The following PTPRN2 variants were observed in gnomAD, a reference collection of about 807,000 sequenced individuals.
The protein encoded by PTPRN2 is receptor-type tyrosine-protein phosphatase N2.
Under a neutral mutation model 118.8 loss-of-function variants are expected in PTPRN2, and 74 were observed. The observed-to-expected ratio is 0.62, with a 90% CI of 0.52 to 0.76. The LOEUF is 0.76. PTPRN2 is among the 30% of genes least tolerant of loss of function. The pLI, the probability that PTPRN2 is intolerant of heterozygous loss-of-function variation, is 0.00. For synonymous variants in PTPRN2, 641 were observed against 608.0 expected (o/e 1.05, Z -0.80); for missense variants, 1,481 against 1,394.4 (o/e 1.06, Z -0.99).
At chr7:158,228,296 A>G (rs1354087551) in intron 3 of PTPRN2, among the ~76,000 whole-genome samples, 1 of 152,180 alleles carries the variant, frequency 6.6e-6, no homozygotes, top group Non-Finnish European at 1.5e-5. Context: ...TGCCTTCAAA[A>G]AGAAGAGTCA....
At position 158,565,082 on chromosome 7, in the gene PTPRN2, T is replaced by C. The variant is rs1231755398; in HGVS notation, c.112+22476A>G. On this transcript the variant is annotated intron_variant, in intron 1 of 22. Transcript: ENST00000389418. The surrounding 1 kb of genome is among the most constrained non-coding windows in gnomAD (Gnocchi z 4.6). ...TGCTGACACCATTCAGAAAATTGTATTGTGGAGGAAGGCAAGGATGAAACA... is the reference window on the plus strand; with the variant it reads ...TGCTGACACCATTCAGAAAATTGTACTGTGGAGGAAGGCAAGGATGAAACA... Among the ~76,000 whole-genome samples the C allele has an allele frequency of 1.3e-5, 2 of 152,104 alleles. No individual in the cohort carries two copies. Among genetic ancestry groups the C allele is most frequent in the South Asian group, 2.1e-4 (1 of 4,818 alleles).
chr7:157,911,663 A>G (rs1324876227), intron 11 of PTPRN2, among the ~76,000 whole-genome samples: 1 of 152,212 alleles, frequency 6.6e-6, no homozygotes, highest in Non-Finnish European at 1.5e-5. Flanking sequence ...ACACTCTGAA[A>G]AGAGATAAAA....
At chr7:157,878,124 T>C (rs1795889921) in intron 12 of PTPRN2, among the ~76,000 whole-genome samples, 1 of 152,188 alleles carries the variant, frequency 6.6e-6, no homozygotes. Flanking sequence ...TAGGAATTTA[T>C]AAGTGTAAGA....
chr7:158,341,692 G>A (rs1353199612), intron 2 of PTPRN2, among the ~76,000 whole-genome samples: 5 of 94,270 alleles, frequency 5.3e-5, no homozygotes, highest in Non-Finnish European at 8.4e-5. Flanking sequence ...GCCCGCAGAG[G>A]TCACTCACAC....
intron 6 of PTPRN2, among the ~76,000 whole-genome samples, chr7:158,154,018 T>C (rs575887259): frequency 5.3e-5 from 8 of 152,270 alleles, no homozygotes; most frequent in East Asian, 3.9e-4. Context: ...GGAGGGTTCG[T>C]TCAAGGTGTG....
chr7:157,571,683 A>G (rs905241596), intron 19 of PTPRN2, among the ~76,000 whole-genome samples, 190 bp from the exon 20 acceptor site: 2 of 152,204 alleles, frequency 1.3e-5, no homozygotes, highest in African/African-American at 4.8e-5. Flanking sequence ...GACGTTATTA[A>G]TCGGAGCTTT....
At chr7:158,126,840 G>A (rs187663504) in intron 9 of PTPRN2, among the ~76,000 whole-genome samples, 3 of 152,306 alleles carry the variant, frequency 2.0e-5, no homozygotes, top group Non-Finnish European at 4.4e-5. Context: ...AGAGACCGAA[G>A]CCCCCACCTC....
chr7:158,226,355 G>T (rs58180441), intron 3 of PTPRN2, among the ~76,000 whole-genome samples: 16 of 152,040 alleles, frequency 1.1e-4, no homozygotes, highest in African/African-American at 3.6e-4. Context: ...TTAACTGCAA[G>T]AGAGGTTGGC....
chr7:158,152,209 A>G (rs1043506657), intron 6 of PTPRN2, among the ~76,000 whole-genome samples: 5 of 149,858 alleles, frequency 3.3e-5, no homozygotes, highest in Non-Finnish European at 5.9e-5. Flanking sequence ...TGCACAGAAT[A>G]TGTGGTGGTG....
At position 157,868,209 on chromosome 7, in the gene PTPRN2, G is replaced by C. The variant is rs1292583929; in HGVS notation, c.1788+30464C>G. Among the ~76,000 whole-genome samples, 1 of 152,240 alleles carries C rather than the reference G, an allele frequency of 6.6e-6. No homozygotes were observed. Among genetic ancestry groups the C allele is most frequent in the Non-Finnish European group, 1.5e-5 (1 of 68,044 alleles). ...CTTTCCCGATGGCTCCGACAGCCCA[G>C]TGGTGCACCTACAACTGCTTCCCAT... On this transcript the variant is annotated intron_variant, in intron 12 of 22. Transcript: ENST00000389418. This position sits in a 1 kb window ranked among gnomAD's most constrained non-coding sequence, Gnocchi z 5.2.
At position 158,366,036 on chromosome 7, in the gene PTPRN2, C is replaced by T. The variant is rs543067530; in HGVS notation, c.164-49104G>A. Among the ~76,000 whole-genome samples the T allele has an allele frequency of 4.0e-5, 6 of 149,434 alleles. No homozygotes were observed. The East Asian group carries it at 1.0e-3, about 25-fold the overall frequency. ...GCACGTGTGCAAATACACACACACA[C>T]AGCATCCCTAGAAGCTGCAGCCCAA... is the stretch of plus-strand genomic sequence containing the variant. On this transcript the variant is annotated intron_variant, in intron 2 of 22. Transcript: ENST00000389418.
At chr7:158,198,238 G>C (rs745521776) in intron 4 of PTPRN2, among the ~76,000 whole-genome samples, 5 of 152,220 alleles carry the variant, frequency 3.3e-5, no homozygotes, top group African/African-American at 4.8e-5. Context: ...TGATGCTGCA[G>C]TATGTTACGG....
chr7:158,171,167 CATATATACACAT>C (rs772998076), intron 5 of PTPRN2, among the ~76,000 whole-genome samples: 8 of 134,100 alleles, frequency 6.0e-5, no homozygotes, highest in East Asian at 2.5e-4. Flanking sequence ...TATATACACA[CATATATACACAT>C]ATATACACAC....
intron 11 of PTPRN2, among the ~76,000 whole-genome samples, chr7:157,909,282 GA>G (rs1387468068): frequency 6.6e-6 from 1 of 152,168 alleles, no homozygotes; most frequent in Non-Finnish European, 1.5e-5. Context: ...AGCGGCTAAT[GA>G]GCTTCACATA....
At chr7:158,347,048 A>G (rs548882937) in intron 2 of PTPRN2, among the ~76,000 whole-genome samples, 1 of 152,108 alleles carries the variant, frequency 6.6e-6, no homozygotes, top group Admixed American at 6.5e-5. Flanking sequence ...CCCCATCCTT[A>G]GGTTGTCTGT....
intron 2 of PTPRN2, among the ~76,000 whole-genome samples, chr7:158,445,940 G>C (rs533583785): frequency 6.6e-6 from 1 of 152,098 alleles, no homozygotes; most frequent in Non-Finnish European, 1.5e-5. Context: ...GTGAGCCCTC[G>C]GACCACCGCA....
At chr7:157,928,774 C>A (rs772096422) in intron 11 of PTPRN2, among the ~76,000 whole-genome samples, 3 of 143,124 alleles carry the variant, frequency 2.1e-5, no homozygotes, top group Non-Finnish European at 3.0e-5. Context: ...GGAGAGAGAG[C>A]GGGGCAGATG....
At chr7:158,343,041 C>G (rs1807184065) in intron 2 of PTPRN2, among the ~76,000 whole-genome samples, 1 of 152,122 alleles carries the variant, frequency 6.6e-6, no homozygotes, top group South Asian at 2.1e-4. Context: ...AAGAGTGAAA[C>G]TTCATCTCAA....
chr7:157,735,241 C>T lies in PTPRN2; in HGVS notation c.1789-52304G>A, dbSNP rs139360559. Among the ~76,000 whole-genome samples the T allele has an allele frequency of 8.9e-3, 1,350 of 152,340 alleles. 40 individuals are homozygous for T. Among genetic ancestry groups the T allele is most frequent in the Non-Finnish European group, 5.5e-3 (372 of 68,040 alleles). On this transcript the variant is annotated intron_variant, in intron 12 of 22. Coordinates refer to ENST00000389418, the MANE Select transcript of PTPRN2 (RefSeq NM_002847.5). ...CCAACAGACACTCAAGCAACTCTTG[C>T]GTGAATTTGGTGGGAAGATCCATCG... is the stretch of plus-strand genomic sequence containing the variant.
Sources: allele counts gnomAD v4.1 joint callset (sites outside exome capture counted in the v4.1 genomes callset), GRCh38; gene constraint gnomAD v4.1.1; non-coding constraint Gnocchi (gnomAD v3.1); transcripts MANE v1.5; gene names NCBI Gene and HGNC (gene_info 2026-07-23, HGNC 2026-07-21).